DNAJC13: variants seen among roughly 807,000 people sequenced by gnomAD.
DNAJC13 encodes the protein DnaJ heat shock protein family (Hsp40) member C13.
A neutral mutation model predicts 290.5 loss-of-function variants in DNAJC13; 75 were observed. The observed-to-expected ratio is 0.26, with a 90% CI of 0.21 to 0.31. DNAJC13 has a LOEUF of 0.31. DNAJC13 is among the 10% of genes least tolerant of loss of function. The pLI is 1.00. For missense variants in DNAJC13, 2,260 were observed against 2,674.5 expected, an observed-to-expected ratio of 0.85 and a Z score of 3.42; for synonymous variants, 862 against 892.0, an observed-to-expected ratio of 0.97 and a Z score of 0.60.
chr3:132,503,536 T>G (rs1180718580), intron 41 of DNAJC13, among the ~76,000 whole-genome samples, 155 bp downstream of exon 41: 1 of 152,362 alleles, frequency 6.6e-6, no homozygotes, highest in Admixed American at 6.5e-5. Flanking sequence ...AATGGATTGA[T>G]GCTAATGATG....
At chr3:132,485,867 A>G (rs1438729910) in intron 29 of DNAJC13, among the ~76,000 whole-genome samples, 3 of 152,216 alleles carry the variant, frequency 2.0e-5, no homozygotes, top group Admixed American at 2.0e-4. Context: ...CATTAAACCC[A>G]AATAAGTCAG....
intron 1 of DNAJC13, among the ~76,000 whole-genome samples, chr3:132,419,983 CA>C (rs2107635715): frequency 6.6e-6 from 1 of 151,216 alleles, no homozygotes; most frequent in South Asian, 2.1e-4. Context: ...ACTTCTGCAA[CA>C]AAAAAAGACC....
Position 132,475,048 on chromosome 3 carries a change from G to A in DNAJC13, c.2408G>A (p.Ser803Asn). 1.2e-6 allele frequency: 2 copies of A among 1,609,990 alleles called. No homozygotes were observed. Among genetic ancestry groups the A allele is most frequent in the East Asian group, 2.2e-5 (1 of 44,580 alleles). ...RAFNIDRELG[S>N]ANVISWNHHE... ...TTTAATATTGACAGAGAACTTGGAA[G>A]TGCAAATGTGATCTCCTGGAACCAC... Residue 803 changes from serine to asparagine, a missense_variant, in exon 22 of 56, where the codon AGT becomes AAT. Physicochemically the swap from Ser to Asn is conservative, Grantham distance 46 (BLOSUM62 1). Coordinates refer to ENST00000260818, the MANE Select transcript of DNAJC13 (RefSeq NM_015268.4).
At chr3:132,512,176 A>G (rs1935796625) in intron 44 of DNAJC13, among the ~76,000 whole-genome samples, 1 of 152,208 alleles carries the variant, frequency 6.6e-6, no homozygotes. Flanking sequence ...TGGAACTTGT[A>G]AAGAGTTGAA....
At chr3:132,428,753 C>A (rs1466814412) in intron 1 of DNAJC13, among the ~76,000 whole-genome samples, 2 of 152,156 alleles carry the variant, frequency 1.3e-5, no homozygotes, top group African/African-American at 4.8e-5. Context: ...TACCTCCCCC[C>A]AGACGGAGTC....
chr3:132,524,838 G>C (rs1005682775), intron 51 of DNAJC13, among the ~76,000 whole-genome samples: 1 of 152,190 alleles, frequency 6.6e-6, no homozygotes, highest in Non-Finnish European at 1.5e-5. Flanking sequence ...TGTGCATCTA[G>C]TGGTATAAGC....
chr3:132,538,244 G>C lies in DNAJC13; in HGVS notation c.6694G>C (p.Val2232Leu), dbSNP rs1266037915. The change falls in exon 56 of 56, where the codon GTA becomes CTA. Residue 2232 changes from valine to leucine, a missense_variant. Val to Leu is a conservative substitution (Grantham distance 32). Transcript: ENST00000260818. ...AGTCATGTCTAACCTGCCACCTCCT[G>C]TAGACCATGAGGCAGGCGACCTTGG... ...TSVMSNLPPP[V>L]DHEAGDLGYQ... The C allele has an allele frequency of 6.2e-7, 1 of 1,613,922 alleles. No individual in the cohort carries two copies. The highest frequency in any genetic ancestry group is 2.2e-5 in the East Asian group (1 of 44,872).
At chr3:132,421,681 C>T (rs1228913756) in intron 1 of DNAJC13, among the ~76,000 whole-genome samples, 2 of 151,854 alleles carry the variant, frequency 1.3e-5, no homozygotes, top group Non-Finnish European at 2.9e-5. Context: ...CTCAAGTGAT[C>T]CACCCACCCA....
rs1227378581 is a variant in DNAJC13, at chr3:132,489,011, A to C, written c.3458A>C (p.Lys1153Thr). 1 of 1,611,162 alleles carries C rather than the reference A, an allele frequency of 6.2e-7. No homozygotes were observed. Among genetic ancestry groups the C allele is most frequent in the Non-Finnish European group, 8.5e-7 (1 of 1,177,704 alleles). The stretch of plus-strand genomic sequence containing the variant: ...TACACACATACCAAACAGGCTTTCA[A>C]GTCAGAAGAGGTAAGCCAGGTTAAT... ...LKYTHTKQAF[K>T]SEETKGQDIF... The change falls in exon 31 of 56, where the codon AAG (lysine) becomes ACG (threonine). Residue 1153 changes from lysine (K) to threonine (T), a missense_variant. Lys to Thr is a moderately conservative substitution (Grantham distance 78, BLOSUM62 -1). This residue lies in a region of DNAJC13 where 1,494 missense variants were observed against 1,693.7 expected (regional missense o/e 0.88). Coordinates refer to ENST00000260818, the MANE Select transcript of DNAJC13 (RefSeq NM_015268.4).
intron 2 of DNAJC13, among the ~76,000 whole-genome samples, chr3:132,444,424 A>G (rs1237505573): frequency 6.6e-6 from 1 of 152,218 alleles, no homozygotes; most frequent in Non-Finnish European, 1.5e-5. Context: ...TATGAGAAAG[A>G]TATTAGAAGA....
At chr3:132,536,276 C>T (rs1936589445) in intron 55 of DNAJC13, among the ~76,000 whole-genome samples, 1 of 152,110 alleles carries the variant, frequency 6.6e-6, no homozygotes, top group Admixed American at 6.6e-5. Flanking sequence ...AGGCCGAATC[C>T]GCTACTCAGT....
chr3:132,480,566 C>A, intron 26 of DNAJC13, 96 bp downstream of exon 26: 1 of 911,192 alleles, frequency 1.1e-6, no homozygotes, highest in Non-Finnish European at 1.7e-6. Context: ...TGTGGTCACA[C>A]ACTTATTTTT....
chr3:132,459,233 T>C (rs1476632275), intron 13 of DNAJC13, among the ~76,000 whole-genome samples: 1 of 152,190 alleles, frequency 6.6e-6, no homozygotes, highest in Non-Finnish European at 1.5e-5. Flanking sequence ...CATAGTAACA[T>C]ACAGTATTTG....
At chr3:132,445,630 A>C (rs1933222144) in intron 2 of DNAJC13, among the ~76,000 whole-genome samples, 1 of 152,010 alleles carries the variant, frequency 6.6e-6, no homozygotes, top group South Asian at 2.1e-4. Flanking sequence ...ATAAGGGTTG[A>C]TTTATTCTTA....
chr3:132,456,980 G>A (rs1053590458), intron 12 of DNAJC13, 148 bp downstream of exon 12: 10 of 957,132 alleles, frequency 1.0e-5, no homozygotes, highest in Non-Finnish European at 1.4e-5. Flanking sequence ...AATGAAAAAG[G>A]AAGGTGAGGG....
At chr3:132,471,401 T>A (rs1934251356) in intron 20 of DNAJC13, among the ~76,000 whole-genome samples, 1 of 142,360 alleles carries the variant, frequency 7.0e-6, no homozygotes, top group African/African-American at 2.6e-5. Flanking sequence ...TGCTCCTCAC[T>A]TCCCAGATGG....
intron 55 of DNAJC13, among the ~76,000 whole-genome samples, chr3:132,536,747 G>T (rs1251318938): frequency 6.6e-6 from 1 of 152,144 alleles, no homozygotes; most frequent in Admixed American, 6.5e-5. Flanking sequence ...TTGTCAGAAG[G>T]GTTTGTTGAC....
chr3:132,522,192 A>G (rs1936112511), intron 48 of DNAJC13, among the ~76,000 whole-genome samples: 1 of 152,190 alleles, frequency 6.6e-6, no homozygotes, highest in Non-Finnish European at 1.5e-5. Flanking sequence ...TGACACGGAG[A>G]AGAGATAAAC....
At chr3:132,435,147 T>G (rs1197765855) in intron 2 of DNAJC13, among the ~76,000 whole-genome samples, 1 of 149,730 alleles carries the variant, frequency 6.7e-6, no homozygotes, top group Non-Finnish European at 1.5e-5. Flanking sequence ...TGCTTCTGTT[T>G]CCTGTCTGTA....
Sources: allele counts gnomAD v4.1 joint callset (sites outside exome capture counted in the v4.1 genomes callset), GRCh38; gene constraint gnomAD v4.1.1; regional missense constraint gnomAD v4.1.1; transcripts MANE v1.5; gene names NCBI Gene and HGNC (gene_info 2026-07-23, HGNC 2026-07-21).